Variants in SH2B3 observed in about 807,000 individuals in gnomAD.
SH2B3 encodes SH2B adapter protein 3.
Under a neutral mutation model 51.9 loss-of-function variants are expected in SH2B3, and 43 were observed. That is an observed-to-expected ratio of 0.83 (90% CI 0.65 to 1.07). The LOEUF (loss-of-function observed/expected upper bound fraction) is 1.07, where lower values mean the gene tolerates loss of function less well. SH2B3 is among the 50% of genes least tolerant of loss of function. The pLI is 0.00. For synonymous variants in SH2B3, 396 were observed against 376.0 expected (o/e 1.05, Z -0.62); for missense variants, 952 against 834.3 (o/e 1.14, Z -1.74).
rs1336281984 is a variant in SH2B3, at chr12:111,448,498, G to A, written c.*196G>A. The A allele has an allele frequency of 1.0e-5, 6 of 589,238 alleles. No individual in the cohort carries two copies. The highest frequency in any genetic ancestry group is 1.8e-5 in the Non-Finnish European group (6 of 332,106). 36.5% of individuals were successfully genotyped at this position (589,238 alleles called of 1,614,324 possible). On this transcript the variant is annotated 3_prime_UTR_variant, in exon 8 of 8. Coordinates refer to ENST00000341259, the MANE Select transcript of SH2B3 (RefSeq NM_005475.3). ...TCCTGTAGGTTTCATCTATCCACCT[G>A]GCTTTCTCCTTATTGTTTACAGATG...
chr12:111,425,498 C>T (rs1248512195), intron 2 of SH2B3, among the ~76,000 whole-genome samples: 2 of 151,994 alleles, frequency 1.3e-5, no homozygotes, highest in Non-Finnish European at 2.9e-5. Flanking sequence ...CTGCAGTGAG[C>T]GTGAACCAGG....
In SH2B3 at chr12:111,429,362, C is replaced by T. The variant is rs572303061; in HGVS notation, c.732+10485C>T. On this transcript the variant is annotated intron_variant, in intron 2 of 7. Transcript: ENST00000341259. This position sits in a 1 kb window ranked among gnomAD's most constrained non-coding sequence, Gnocchi z 4.4. ...ATTTATTTATTTAGAGACAGAGTCT[C>T]GCTCTGTCGCCCAGGTTAGAGCAGA... 6.6e-6 allele frequency among the ~76,000 whole-genome samples: 1 copy of T among 152,266 alleles called. No individual in the cohort carries two copies. The highest frequency in any genetic ancestry group is 2.1e-4 in the South Asian group (1 of 4,818).
intron 2 of SH2B3, among the ~76,000 whole-genome samples, chr12:111,425,939 A>C (rs1328189102): frequency 6.6e-6 from 1 of 152,196 alleles, no homozygotes; most frequent in East Asian, 1.9e-4. Context: ...TCAGCAAGAG[A>C]AAAGCATCAC....
In SH2B3 at chr12:111,418,303, C is replaced by G. The variant is rs1449097210; in HGVS notation, c.158C>G (p.Pro53Arg). ...TACTGGCTGTTCGCCCGGGAGCATC[C>G]GCAGCACGCGCCGCTGCGCGCCGAG... is the stretch of plus-strand genomic sequence containing the variant. ...RQYWLFAREH[P>R]QHAPLRAELV... is the part of the protein sequence containing the mutation. Residue 53 changes from proline (P) to arginine (R), a missense_variant, in exon 2 of 8, where the codon CCG becomes CGG. Coordinates refer to ENST00000341259, the MANE Select transcript of SH2B3 (RefSeq NM_005475.3). This position sits in a 1 kb window ranked among gnomAD's most constrained non-coding sequence, Gnocchi z 6.7. The G allele has an allele frequency of 6.5e-7, 1 of 1,531,762 alleles. No individual in the cohort carries two copies. Among genetic ancestry groups the G allele is most frequent in the Non-Finnish European group, 8.7e-7 (1 of 1,145,338 alleles). The allele number at this position is 1,531,762 out of a possible 1,614,324, so 94.9% of individuals were successfully genotyped here. A position where few individuals can be genotyped will look rare whatever the true frequency, so the allele number is the denominator to read the frequency against.
chr12:111,417,121 G>A (rs1751742594), intron 1 of SH2B3, among the ~76,000 whole-genome samples: 1 of 152,080 alleles, frequency 6.6e-6, no homozygotes. Context: ...TGGTGGGGTG[G>A]GTCTTCCTCA....
rs1870277012 is a variant in SH2B3 at position 111,406,696 on chromosome 12, G to C, written c.-28+419G>C. ...GCTGTGAGCACAGATGAGCCCTTGG[G>C]TGTGGGGGCAGCGGGGGAGGATGCG... On this transcript the variant is annotated intron_variant, in intron 1 of 7. Coordinates refer to ENST00000341259, the MANE Select transcript of SH2B3 (RefSeq NM_005475.3). This position sits in a 1 kb window ranked among gnomAD's most constrained non-coding sequence, Gnocchi z 5.7. Among the ~76,000 whole-genome samples the C allele has an allele frequency of 2.0e-5, 3 of 152,216 alleles. No homozygotes were observed.
rs1207799923 is a variant in SH2B3 at position 111,447,767 on chromosome 12, T to G, written c.1348T>G (p.Cys450Gly). The change falls in exon 7 of 8, where the codon TGC (cysteine) becomes GGC (glycine). Residue 450 changes from cysteine (C) to glycine (G), a missense_variant. Coordinates refer to ENST00000341259, the MANE Select transcript of SH2B3 (RefSeq NM_005475.3). The part of the protein sequence containing the change: ...HFQRSPIPLE[C>G]GAACDVRLSS... ...CCAGCGCTCGCCCATCCCACTCGAG[T>G]GCGGCGCCGCCTGTGATGTCCGGCT... 6.2e-7 allele frequency: 1 copy of G among 1,613,960 alleles called. No individual in the cohort carries two copies.
At chr12:111,424,753 A>G (rs1871856514) in intron 2 of SH2B3, among the ~76,000 whole-genome samples, 1 of 152,168 alleles carries the variant, frequency 6.6e-6, no homozygotes. Context: ...TGATGGGCCA[A>G]GGGTGCTCAG....
intron 2 of SH2B3, among the ~76,000 whole-genome samples, chr12:111,422,944 G>A (rs1034965174): frequency 4.6e-5 from 7 of 152,152 alleles, no homozygotes; most frequent in Non-Finnish European, 1.0e-4. Context: ...TGATCTGTCC[G>A]CCTCGGCCTC....
In SH2B3 at chr12:111,447,659, C is replaced by G. The variant is rs140327825; in HGVS notation, c.1240C>G (p.Leu414Val). 6.2e-7 allele frequency: 1 copy of G among 1,611,616 alleles called. No individual in the cohort carries two copies. Among genetic ancestry groups the G allele is most frequent in the Non-Finnish European group, 8.5e-7 (1 of 1,178,438 alleles). ...CCACCATCCTCTCCTCCCACAGCACCTGCGCCTGTCGCTGACAGAGCGGGG... is the reference window on the plus strand; with the variant it reads ...CCACCATCCTCTCCTCCCACAGCACGTGCGCCTGTCGCTGACAGAGCGGGG... ...TFNFQGIAKH[L>V]RLSLTERGQC... is the part of the protein sequence containing the mutation. Residue 414 changes from leucine to valine, a missense_variant, in exon 7 of 8, where the codon CTG becomes GTG. Transcript: ENST00000341259.
chr12:111,445,199 C>G (rs1873812553), intron 2 of SH2B3, among the ~76,000 whole-genome samples: 1 of 152,196 alleles, frequency 6.6e-6, no homozygotes, highest in African/African-American at 2.4e-5. Flanking sequence ...GCCCGTTCCC[C>G]TCCAGGCCTG....
chr12:111,429,143 CG>C lies in SH2B3; in HGVS notation c.732+10271del. ...CCCCTGCCCTTCTGAGCCTGTGACCCGGGGGAAGGCACTTTGCCCTCCCTGT... is the reference window on the plus strand; with the variant it reads ...CCCCTGCCCTTCTGAGCCTGTGACCCGGGGAAGGCACTTTGCCCTCCCTGT... On this transcript the variant is annotated intron_variant, in intron 2 of 7. Coordinates refer to ENST00000341259, the MANE Select transcript of SH2B3 (RefSeq NM_005475.3). The surrounding 1 kb of genome is among the most constrained non-coding windows in gnomAD (Gnocchi z 4.4). Among the ~76,000 whole-genome samples, 1 of 151,998 alleles carries C rather than the reference CG, an allele frequency of 6.6e-6. No homozygotes were observed. The highest frequency in any genetic ancestry group is 1.5e-5 in the Non-Finnish European group (1 of 67,984).
chr12:111,427,822 A>ACTT (rs1872137800), intron 2 of SH2B3, among the ~76,000 whole-genome samples: 1 of 152,216 alleles, frequency 6.6e-6, no homozygotes, highest in African/African-American at 2.4e-5. Context: ...GGCTTTCCTT[A>ACTT]TACAGCAGGC....
rs1872748421 is a variant in SH2B3 at position 111,435,077 on chromosome 12, G to A, written c.733-11676G>A. 8.4e-6 allele frequency: 12 copies of A among 1,434,664 alleles called. No individual in the cohort carries two copies. The highest frequency in any genetic ancestry group is 1.0e-5 in the Non-Finnish European group (11 of 1,057,246). The allele number at this position is 1,434,664 out of a possible 1,614,324, so 88.9% of individuals were successfully genotyped here. The stretch of plus-strand genomic sequence containing the variant: ...GGGCTTTGGGGATCTTGGTGGTGAT[G>A]AGTCCCCTCTCCTCTGGTGCACTCT... On this transcript the variant is annotated intron_variant, in intron 2 of 7. Transcript: ENST00000341259. The surrounding 1 kb of genome is among the most constrained non-coding windows in gnomAD (Gnocchi z 4.8).
chr12:111,434,847 A>G, intron 2 of SH2B3: 1 of 1,532,292 alleles, frequency 6.5e-7, no homozygotes, highest in Non-Finnish European at 8.7e-7. Flanking sequence ...CGTTCAGTAA[A>G]CAGGAGCTAA....
intron 2 of SH2B3, among the ~76,000 whole-genome samples, chr12:111,426,512 C>G (rs1565975874): frequency 6.6e-6 from 1 of 151,812 alleles, no homozygotes; most frequent in Non-Finnish European, 1.5e-5. Context: ...GCGTGAGCCA[C>G]TGTGCCCAGC....
intron 6 of SH2B3, 48 bp downstream of exon 6, chr12:111,447,592 C>T (rs372662011): frequency 1.2e-5 from 19 of 1,609,140 alleles, no homozygotes; most frequent in Non-Finnish European, 1.5e-5. Context: ...CCGTGCCACC[C>T]CTCTCCACTG....
At position 111,418,809 on chromosome 12, in the gene SH2B3, C is replaced by A; in HGVS notation, c.664C>A (p.Leu222Met). The A allele has an allele frequency of 1.4e-6, 2 of 1,439,356 alleles. No homozygotes were observed. The highest frequency in any genetic ancestry group is 1.5e-5 in the African/African-American group (1 of 66,266). 89.2% of individuals were successfully genotyped at this position (1,439,356 alleles called of 1,614,324 possible). Residue 222 changes from leucine (L) to methionine (M), a missense_variant, in exon 2 of 8, where the codon CTG (leucine) becomes ATG (methionine). Physicochemically the swap from Leu to Met is conservative, Grantham distance 15. Transcript: ENST00000341259. The surrounding 1 kb of genome is among the most constrained non-coding windows in gnomAD (Gnocchi z 6.7). ...DSGARWQRGRLALRRAPGPDG... is the reference protein window; with the variant it reads ...DSGARWQRGRMALRRAPGPDG... Reference sequence around the variant, plus strand: ...CGGGGCACGCTGGCAGCGCGGGAGGCTGGCGCTGCGCCGGGCCCCGGGCCC... The same window carrying A: ...CGGGGCACGCTGGCAGCGCGGGAGGATGGCGCTGCGCCGGGCCCCGGGCCC...
upstream of SH2B3, among the ~76,000 whole-genome samples, chr12:111,405,410 C>T (rs1256273111): frequency 6.6e-6 from 1 of 152,228 alleles, no homozygotes; most frequent in African/African-American, 2.4e-5. This position sits in a 1 kb window ranked among gnomAD's most constrained non-coding sequence, Gnocchi z 5.4. Context: ...ATGATGAAAG[C>T]CGTGGTCGCT....
Sources: allele counts gnomAD v4.1 joint callset (sites outside exome capture counted in the v4.1 genomes callset), GRCh38; gene constraint gnomAD v4.1.1; non-coding constraint Gnocchi (gnomAD v3.1); transcripts MANE v1.5; gene names NCBI Gene and HGNC (gene_info 2026-07-23, HGNC 2026-07-21).